The following CTIF variants were observed in gnomAD, a reference collection of about 807,000 sequenced individuals.
CTIF encodes CBP80/20-dependent translation initiation factor.
CTIF carries 21 observed loss-of-function variants against 66.0 expected under a neutral mutation model. That is an observed-to-expected ratio of 0.32 (90% CI 0.23 to 0.46). The LOEUF (loss-of-function observed/expected upper bound fraction) is 0.46, where lower values mean the gene tolerates loss of function less well. CTIF is among the 20% of genes least tolerant of loss of function. The pLI, the probability that CTIF is intolerant of heterozygous loss-of-function variation, is 1.00. For synonymous variants in CTIF, 345 were observed against 326.4 expected (o/e 1.06, Z -0.62); for missense variants, 739 against 812.7 (o/e 0.91, Z 1.10).
chr18:48,767,011 G>C (rs536622344), intron 9 of CTIF, among the ~76,000 whole-genome samples: 2 of 152,192 alleles, frequency 1.3e-5, no homozygotes, highest in African/African-American at 2.4e-5. Flanking sequence ...ACGGTGCCAG[G>C]CTGTACCAGA....
intron 3 of CTIF, among the ~76,000 whole-genome samples, chr18:48,642,802 G>T (rs76812747): frequency 0.019 from 2,964 of 152,184 alleles, 62 homozygotes; most frequent in African/African-American, 0.051. Context: ...AAACAACCAG[G>T]GCACAGCTTG....
At chr18:48,811,304 TCA>T (rs1353236600) in intron 9 of CTIF, among the ~76,000 whole-genome samples, 1 of 152,224 alleles carries the variant, frequency 6.6e-6, no homozygotes, top group Non-Finnish European at 1.5e-5. Context: ...GGTTGTAGTT[TCA>T]GTTTTCCCTT....
At chr18:48,664,836 C>T (rs942692991) in intron 5 of CTIF, among the ~76,000 whole-genome samples, 1 of 151,588 alleles carries the variant, frequency 6.6e-6, no homozygotes, top group Non-Finnish European at 1.5e-5. Flanking sequence ...ATCACCTGGG[C>T]GGTGGCACAG....
chr18:48,548,439 C>T (rs879409126), intron 1 of CTIF, among the ~76,000 whole-genome samples: 35 of 152,246 alleles, frequency 2.3e-4, no homozygotes, highest in Non-Finnish European at 4.0e-4. Context: ...GTTTATCTGT[C>T]TCCGGTATCT....
intron 10 of CTIF, chr18:48,826,270 T>C (rs2068580392): frequency 6.6e-6 from 1 of 152,196 alleles, no homozygotes; most frequent in Non-Finnish European, 1.5e-5. Flanking sequence ...GTTCCAGGCA[T>C]GGCTCAAGAG....
At chr18:48,733,139 G>T (rs1404634710) in intron 7 of CTIF, among the ~76,000 whole-genome samples, 1 of 152,140 alleles carries the variant, frequency 6.6e-6, no homozygotes, top group Non-Finnish European at 1.5e-5. Flanking sequence ...AAGCGTAGCT[G>T]CCCTGGGGAG....
intron 10 of CTIF, among the ~76,000 whole-genome samples, chr18:48,823,669 A>T (rs1311441914): frequency 6.6e-6 from 1 of 152,214 alleles, no homozygotes; most frequent in Non-Finnish European, 1.5e-5. Context: ...TTCCAAGTGA[A>T]TCTTAGAATT....
chr18:48,562,275 TAG>T (rs1568033634), intron 1 of CTIF, among the ~76,000 whole-genome samples: 2 of 152,364 alleles, frequency 1.3e-5, no homozygotes, highest in African/African-American at 4.8e-5. Context: ...ACCCACATTT[TAG>T]AGAGGAGAAA....
intron 9 of CTIF, among the ~76,000 whole-genome samples, chr18:48,801,729 G>C (rs917538843): frequency 1.5e-4 from 23 of 152,202 alleles, no homozygotes. Context: ...TGAAAGTAGG[G>C]TTTCAAAAGT....
chr18:48,704,496 C>T (rs1441454078), intron 6 of CTIF, among the ~76,000 whole-genome samples: 4 of 152,166 alleles, frequency 2.6e-5, no homozygotes, highest in East Asian at 3.8e-4. Context: ...AACAAAGGAC[C>T]GCAAACTGGG....
At chr18:48,644,264 TTGGGCAC>T (rs1568099250) in intron 3 of CTIF, among the ~76,000 whole-genome samples, 1 of 152,284 alleles carries the variant, frequency 6.6e-6, no homozygotes, top group East Asian at 1.9e-4. Flanking sequence ...GTACTCCAGG[TTGGGCAC>T]TGGGCACTGG....
At chr18:48,857,702 A>G (rs937021) in intron 11 of CTIF, 61 bp downstream of exon 11, 662,718 of 1,503,380 alleles carry the variant, frequency 0.44, 150,681 homozygotes, top group African/African-American at 0.54. Flanking sequence ...ATGCCTTAAC[A>G]GTTCTAGGGG....
intron 10 of CTIF, among the ~76,000 whole-genome samples, chr18:48,848,936 A>G (rs1251539107): frequency 1.3e-5 from 2 of 152,246 alleles, no homozygotes; most frequent in Admixed American, 6.5e-5. Context: ...GGCTCGCACA[A>G]TTGCCTTGGA....
intron 2 of CTIF, among the ~76,000 whole-genome samples, chr18:48,632,747 A>G (rs566284781): frequency 6.6e-6 from 1 of 151,958 alleles, no homozygotes; most frequent in Non-Finnish European, 1.5e-5. Flanking sequence ...CCTCCCTTAC[A>G]GCCCCTGCCG....
chr18:48,657,293 A>G (rs549922437), intron 3 of CTIF, among the ~76,000 whole-genome samples: 1 of 152,326 alleles, frequency 6.6e-6, no homozygotes, highest in Admixed American at 6.5e-5. Flanking sequence ...CATCGTAACA[A>G]TTTTCTACAT....
At chr18:48,765,782 G>GT (rs1467476492) in intron 9 of CTIF, among the ~76,000 whole-genome samples, 1 of 152,136 alleles carries the variant, frequency 6.6e-6, no homozygotes, top group Non-Finnish European at 1.5e-5. Flanking sequence ...AGAGGACCCC[G>GT]TCACCAATCC....
intron 2 of CTIF, among the ~76,000 whole-genome samples, chr18:48,633,773 A>G (rs929764483): frequency 7.2e-5 from 11 of 152,120 alleles, no homozygotes; most frequent in South Asian, 2.1e-4. Flanking sequence ...GTATGCATGT[A>G]TTTTACGTAT....
At chr18:48,769,775 GCTTTTCT>G in intron 9 of CTIF, among the ~76,000 whole-genome samples, 1 of 152,372 alleles carries the variant, frequency 6.6e-6, no homozygotes, top group South Asian at 2.1e-4. Flanking sequence ...AATATGACCT[GCTTTTCT>G]CCAATCTTTA....
intron 1 of CTIF, among the ~76,000 whole-genome samples, chr18:48,562,536 A>T (rs1235331281): frequency 6.6e-6 from 1 of 152,150 alleles, no homozygotes; most frequent in Non-Finnish European, 1.5e-5. Context: ...GCCCCCCGGG[A>T]TCTCAGGGCC....
Sources: allele counts gnomAD v4.1 joint callset (sites outside exome capture counted in the v4.1 genomes callset), GRCh38; gene constraint gnomAD v4.1.1; transcripts MANE v1.5; gene names NCBI Gene and HGNC (gene_info 2026-07-23, HGNC 2026-07-21).